Variants in ITPR1 observed in about 807,000 individuals in gnomAD.
ITPR1 encodes the protein inositol 1,4,5-trisphosphate receptor type 1, also known as inositol 1,4,5-trisphosphate-gated calcium channel ITPR1.
ITPR1 carries 96 observed loss-of-function variants against 318.4 expected under a neutral mutation model. That is an observed-to-expected ratio of 0.30 (90% CI 0.26 to 0.36). ITPR1 has a LOEUF of 0.36. Among genes scored for constraint, ITPR1 ranks in the 10% least tolerant of loss-of-function variants. The probability of loss-of-function intolerance (pLI) is 1.00; values close to 1 mark genes in which losing one functional copy is unlikely to be tolerated. For missense variants in ITPR1, 2,440 were observed against 3,460.2 expected, an observed-to-expected ratio of 0.71 and a Z score of 7.40; for synonymous variants, 1,312 against 1,289.9, an observed-to-expected ratio of 1.02 and a Z score of -0.37.
rs571039730 is a variant in ITPR1, at chr3:4,679,737, C to A, written c.2968-816C>A. ...CAGTCAAGTTGGCATATAAAATTAA[C>A]CATCGCAGTTACTTTTGTGAAACAC... On this transcript the variant is annotated intron_variant, in intron 24 of 61. Coordinates refer to ENST00000649015, the MANE Select transcript of ITPR1 (RefSeq NM_001378452.1). Among the ~76,000 whole-genome samples the A allele has an allele frequency of 2.4e-4, 36 of 152,292 alleles. 1 individual carries two copies. Among genetic ancestry groups the A allele is most frequent in the African/African-American group, 8.7e-4 (36 of 41,560 alleles).
intron 10 of ITPR1, among the ~76,000 whole-genome samples, chr3:4,651,647 T>G (rs1294398117): frequency 6.6e-6 from 1 of 152,252 alleles, no homozygotes; most frequent in Non-Finnish European, 1.5e-5. Context: ...CACTGCTAGT[T>G]AACTCTGTCA....
intron 52 of ITPR1, among the ~76,000 whole-genome samples, chr3:4,789,979 C>G (rs2047451584): frequency 6.6e-6 from 1 of 152,228 alleles, no homozygotes. Context: ...TTAGCCTTAT[C>G]AGAATATGTG....
chr3:4,675,996 G>C (rs774590884), intron 23 of ITPR1, among the ~76,000 whole-genome samples: 4 of 152,102 alleles, frequency 2.6e-5, no homozygotes, highest in African/African-American at 9.7e-5. Context: ...TTTGTACCTT[G>C]TTAACTTTAT....
chr3:4,765,433 G>A (rs745772283), intron 44 of ITPR1, among the ~76,000 whole-genome samples: 4 of 152,202 alleles, frequency 2.6e-5, no homozygotes, highest in Non-Finnish European at 5.9e-5. Context: ...GCATGTCGAC[G>A]ATGGAAATCT....
chr3:4,535,227 T>C (rs2083749552), intron 4 of ITPR1, among the ~76,000 whole-genome samples: 1 of 152,112 alleles, frequency 6.6e-6, no homozygotes, highest in African/African-American at 2.4e-5. Flanking sequence ...TTAGTATTGG[T>C]TTTATTTTCA....
At chr3:4,575,123 A>C (rs2088492489) in intron 4 of ITPR1, among the ~76,000 whole-genome samples, 1 of 152,248 alleles carries the variant, frequency 6.6e-6, no homozygotes. Flanking sequence ...TTAGGAAAAC[A>C]AACCAACCAT....
intron 29 of ITPR1, among the ~76,000 whole-genome samples, chr3:4,684,655 A>C (rs1443872507): frequency 6.6e-6 from 1 of 152,224 alleles, no homozygotes; most frequent in Non-Finnish European, 1.5e-5. Context: ...ACTGTCAGGG[A>C]GTCATCTAAG....
At chr3:4,785,609 G>T (rs2047144016) in intron 51 of ITPR1, among the ~76,000 whole-genome samples, 1 of 152,184 alleles carries the variant, frequency 6.6e-6, no homozygotes, top group Non-Finnish European at 1.5e-5. Flanking sequence ...TGACTGAAGG[G>T]CCAGCTCTGT....
chr3:4,665,970 A>G (rs1188232897), intron 17 of ITPR1, among the ~76,000 whole-genome samples: 6 of 152,204 alleles, frequency 3.9e-5, no homozygotes, highest in African/African-American at 1.4e-4. Flanking sequence ...TTATAACTTC[A>G]TGGTGCTGCT....
At chr3:4,568,074 C>G (rs1442475061) in intron 4 of ITPR1, among the ~76,000 whole-genome samples, 1 of 152,126 alleles carries the variant, frequency 6.6e-6, no homozygotes, top group Non-Finnish European at 1.5e-5. Flanking sequence ...ATGGGAGAGC[C>G]TGAAGGCGCA....
intron 4 of ITPR1, among the ~76,000 whole-genome samples, chr3:4,605,532 G>A (rs2091643629): frequency 1.3e-5 from 2 of 152,254 alleles, no homozygotes; most frequent in Admixed American, 6.5e-5. Context: ...TTTAGCAAAT[G>A]GACACTGAAA....
At chr3:4,578,023 C>T (rs1296266479) in intron 4 of ITPR1, among the ~76,000 whole-genome samples, 1 of 152,246 alleles carries the variant, frequency 6.6e-6, no homozygotes, top group Non-Finnish European at 1.5e-5. Flanking sequence ...CAACCAGTGC[C>T]AGTGAAACTG....
At chr3:4,701,193 A>G (rs771140144) in intron 35 of ITPR1, among the ~76,000 whole-genome samples, 23 of 152,152 alleles carry the variant, frequency 1.5e-4, no homozygotes, top group Non-Finnish European at 2.6e-4. Context: ...GTTCAGTGGA[A>G]TTCATCTAGT....
At chr3:4,627,997 CT>C (rs1051558030) in intron 5 of ITPR1, 119 bp downstream of exon 5, 578 of 596,148 alleles carry the variant, frequency 9.7e-4, no homozygotes, top group South Asian at 1.7e-3. Context: ...CAGCTTTCTA[CT>C]TTTTTTTTCG....
rs1298061041 is a variant in ITPR1, at chr3:4,800,518, G to A, written c.7025G>A (p.Arg2342Gln). Reference protein sequence around the residue: ...VIALPKPHGIRALIASTILRL... With the variant: ...VIALPKPHGIQALIASTILRL... ...GCCCTCCCCAAGCCCCATGGCATCC[G>A]GGCCTTAATTGCCTCCACAATTCTA... is the stretch of plus-strand genomic sequence containing the variant. Residue 2342 changes from arginine (R) to glutamine (Q), a missense_variant, in exon 54 of 62, where the codon CGG becomes CAG. Physicochemically the swap from Arg to Gln is conservative, Grantham distance 43 (BLOSUM62 1). This residue lies in a region of ITPR1 where 126 missense variants were observed against 150.8 expected (regional missense o/e 0.84). Coordinates refer to ENST00000649015, the MANE Select transcript of ITPR1 (RefSeq NM_001378452.1). 12 of 1,613,852 alleles carry A rather than the reference G, an allele frequency of 7.4e-6. 1 individual carries two copies. Among genetic ancestry groups the A allele is most frequent in the South Asian group, 2.2e-5 (2 of 91,080 alleles).
chr3:4,580,948 C>G (rs1477350295), intron 4 of ITPR1, among the ~76,000 whole-genome samples: 1 of 152,124 alleles, frequency 6.6e-6, no homozygotes, highest in East Asian at 1.9e-4. Flanking sequence ...ATACCAATCA[C>G]GTTAGGTGCC....
At chr3:4,752,653 T>C (rs946097238) in intron 44 of ITPR1, among the ~76,000 whole-genome samples, 2 of 152,204 alleles carry the variant, frequency 1.3e-5, no homozygotes, top group Non-Finnish European at 2.9e-5. Flanking sequence ...TTATTGTTCA[T>C]TCATTAATAT....
chr3:4,508,308 A>G (rs1235057767), intron 2 of ITPR1, among the ~76,000 whole-genome samples: 2 of 152,070 alleles, frequency 1.3e-5, no homozygotes, highest in African/African-American at 2.4e-5. Context: ...TATAAAGTCA[A>G]TTTCTCATTT....
At chr3:4,730,695 A>C (rs1240012684) in intron 42 of ITPR1, among the ~76,000 whole-genome samples, 5 of 151,852 alleles carry the variant, frequency 3.3e-5, no homozygotes, top group Non-Finnish European at 7.4e-5. Context: ...CGAAGGGGGG[A>C]AGAAAAAAGC....
Sources: allele counts gnomAD v4.1 joint callset (sites outside exome capture counted in the v4.1 genomes callset), GRCh38; gene constraint gnomAD v4.1.1; regional missense constraint gnomAD v4.1.1; transcripts MANE v1.5; gene names NCBI Gene and HGNC (gene_info 2026-07-23, HGNC 2026-07-21).